The following FBXL4 variants were observed in gnomAD, a reference collection of about 807,000 sequenced individuals.
FBXL4 encodes the protein F-box/LRR-repeat protein 4.
In FBXL4, 40 loss-of-function variants were observed where a neutral mutation model predicts 58.9. The observed-to-expected ratio is 0.68, with a 90% CI of 0.53 to 0.88. The LOEUF is 0.88. Among genes scored for constraint, FBXL4 ranks in the 40% least tolerant of loss-of-function variants. The probability of loss-of-function intolerance (pLI) is 0.00; values close to 1 mark genes in which losing one functional copy is unlikely to be tolerated. For synonymous variants in FBXL4, 263 were observed against 265.5 expected (o/e 0.99, Z 0.09); for missense variants, 676 against 734.4 (o/e 0.92, Z 0.92).
chr6:98,901,279 G>A (rs142074168), intron 6 of FBXL4, among the ~76,000 whole-genome samples: 94 of 152,260 alleles, frequency 6.2e-4, no homozygotes, highest in African/African-American at 2.2e-3. Context: ...AGCAAAGCAG[G>A]TATCTGGAGG....
rs570051379 is a variant in FBXL4, at chr6:98,903,709, A to T, written c.1103+1717T>A. On this transcript the variant is annotated intron_variant, in intron 6 of 9. Coordinates refer to ENST00000369244, the MANE Select transcript of FBXL4 (RefSeq NM_001278716.2). ...CTGCATAAAGTTTTTAAAATTGATT[A>T]ATATTAGCTTTATATTTTACTCGTT... 6.6e-5 allele frequency among the ~76,000 whole-genome samples: 10 copies of T among 152,260 alleles called. No individual in the cohort carries two copies. The South Asian group carries it at 1.7e-3, about 25-fold the overall frequency.
chr6:98,882,819 C>T (rs1230868242), intron 7 of FBXL4, among the ~76,000 whole-genome samples: 1 of 151,950 alleles, frequency 6.6e-6, no homozygotes. Context: ...TTCCATTATG[C>T]AAATATATAA....
Position 98,898,494 on chromosome 6 carries a change from A to T in FBXL4, c.1317+774T>A, listed in dbSNP as rs1350366749. 3 of 939,424 alleles carry T rather than the reference A, an allele frequency of 3.2e-6. No homozygotes were observed. The African/African-American group carries it at 5.3e-5, about 17-fold the overall frequency. 58.2% of individuals were successfully genotyped at this position (939,424 alleles called of 1,614,324 possible). On this transcript the variant is annotated intron_variant, in intron 7 of 9. Coordinates refer to ENST00000369244, the MANE Select transcript of FBXL4 (RefSeq NM_001278716.2). ...GTGGCACGTGCCTGTAATCCCAGATACTCAGGAGGCTGAGGCAGGAGAATC... is the reference window on the plus strand; with the variant it reads ...GTGGCACGTGCCTGTAATCCCAGATTCTCAGGAGGCTGAGGCAGGAGAATC...
chr6:98,899,567 T>C (rs1771530185), intron 6 of FBXL4, 86 bp from the exon 7 acceptor site: 12 of 1,396,262 alleles, frequency 8.6e-6, no homozygotes, highest in Non-Finnish European at 8.7e-6. Flanking sequence ...TCTAAGTAGA[T>C]ACATTTGAAA....
intron 1 of FBXL4, among the ~76,000 whole-genome samples, chr6:98,942,389 T>C (rs1375215017): frequency 1.6e-4 from 24 of 152,012 alleles, no homozygotes; most frequent in Admixed American, 1.6e-3. Context: ...AATCTAACAG[T>C]GAAATGTAAT....
chr6:98,939,224 A>T (rs1773340584), intron 1 of FBXL4, among the ~76,000 whole-genome samples: 1 of 152,106 alleles, frequency 6.6e-6, no homozygotes, highest in African/African-American at 2.4e-5. Flanking sequence ...CTCCTCAATT[A>T]TTTTAATGGT....
At chr6:98,896,091 C>A (rs1258263764) in intron 7 of FBXL4, among the ~76,000 whole-genome samples, 1 of 152,064 alleles carries the variant, frequency 6.6e-6, no homozygotes, top group African/African-American at 2.4e-5. Context: ...TCACGTATGT[C>A]CTTAGAGCAA....
chr6:98,898,316 G>A, intron 7 of FBXL4: 2 of 985,398 alleles, frequency 2.0e-6, no homozygotes, highest in Non-Finnish European at 2.4e-6. Flanking sequence ...CAAACAGTAT[G>A]TACTACAGGG....
At position 98,929,555 on chromosome 6, in the gene FBXL4, G is replaced by T. The variant is rs867185490; in HGVS notation, c.-190-1733C>A. On this transcript the variant is annotated intron_variant, in intron 2 of 9. Coordinates refer to ENST00000369244, the MANE Select transcript of FBXL4 (RefSeq NM_001278716.2). ...CATTGCACTCCAGCCTGGGCAACAA[G>T]AGAAAAACTCCGTCTCAAAAAAAAA... Among the ~76,000 whole-genome samples the T allele has an allele frequency of 1.0e-3, 128 of 125,138 alleles. No homozygotes were observed. In the Middle Eastern group the frequency reaches 0.018, roughly 18 times the overall value. 82.1% of individuals were successfully genotyped at this position (125,138 alleles called of 152,430 possible). A position where few individuals can be genotyped will look rare whatever the true frequency, so the allele number is the denominator to read the frequency against.
At chr6:98,887,024 G>A (rs993798287) in intron 7 of FBXL4, among the ~76,000 whole-genome samples, 1 of 152,136 alleles carries the variant, frequency 6.6e-6, no homozygotes, top group Non-Finnish European at 1.5e-5. Context: ...CAAGGAGGGA[G>A]GACAGCTTGA....
At chr6:98,920,355 A>G (rs1772532139) in intron 4 of FBXL4, among the ~76,000 whole-genome samples, 1 of 152,192 alleles carries the variant, frequency 6.6e-6, no homozygotes, top group Admixed American at 6.5e-5. Flanking sequence ...TCTGACTTCT[A>G]TATCGCATAA....
intron 7 of FBXL4, among the ~76,000 whole-genome samples, chr6:98,886,201 T>C (rs1771034143): frequency 6.6e-6 from 1 of 152,146 alleles, no homozygotes; most frequent in Non-Finnish European, 1.5e-5. Flanking sequence ...TATATAGCAA[T>C]AGATAAATAA....
At chr6:98,916,876 T>C (rs1772377820) in intron 5 of FBXL4, among the ~76,000 whole-genome samples, 2 of 149,300 alleles carry the variant, frequency 1.3e-5, no homozygotes, top group African/African-American at 2.5e-5. Flanking sequence ...TAGCACTACC[T>C]GCCTAGACCA....
At position 98,926,592 on chromosome 6, in the gene FBXL4, G is replaced by C; in HGVS notation, c.397C>G (p.Gln133Glu). 6.2e-7 allele frequency: 1 copy of C among 1,614,168 alleles called. No homozygotes were observed. ...SQDYVELTFE[Q>E]QVYPTAVHVL... Reference sequence around the variant, plus strand: ...TGTACAGCTGTAGGATACACCTGTTGTTCAAAAGTAAGTTCCACATAGTCC... The same window carrying C: ...TGTACAGCTGTAGGATACACCTGTTCTTCAAAAGTAAGTTCCACATAGTCC... The change falls in exon 4 of 10, where the codon CAA becomes GAA. Residue 133 changes from glutamine to glutamate, a missense_variant. Physicochemically the swap from Gln to Glu is conservative, Grantham distance 29. Coordinates refer to ENST00000369244, the MANE Select transcript of FBXL4 (RefSeq NM_001278716.2).
chr6:98,887,572 C>T (rs906648954), intron 7 of FBXL4, among the ~76,000 whole-genome samples: 7 of 152,146 alleles, frequency 4.6e-5, no homozygotes, highest in African/African-American at 1.7e-4. Context: ...TTAGTCTGTA[C>T]ATTAAACTGG....
chr6:98,894,547 C>A (rs1771346686), intron 7 of FBXL4, among the ~76,000 whole-genome samples: 2 of 152,110 alleles, frequency 1.3e-5, no homozygotes, highest in East Asian at 1.9e-4. Context: ...AGAGTAATTT[C>A]TTCTAAAAAG....
In FBXL4 at chr6:98,875,818, C is replaced by G. The variant is rs546324446; in HGVS notation, c.1390-91G>C. The G allele has an allele frequency of 8.1e-4, 1,038 of 1,277,310 alleles. 3 individuals are homozygous for G. Among genetic ancestry groups the G allele is most frequent in the Non-Finnish European group, 1.1e-3 (985 of 899,520 alleles). 79.1% of individuals were successfully genotyped at this position (1,277,310 alleles called of 1,614,324 possible). A position where few individuals can be genotyped will look rare whatever the true frequency, so the allele number is the denominator to read the frequency against. ...TCAGATTCTTAATTATAACCTATTG[C>G]TTTGCTTCCATGTAAACAAATCCAC... On this transcript the variant is annotated intron_variant, in intron 8 of 9. Transcript: ENST00000369244.
chr6:98,932,651 C>T (rs901324609), intron 2 of FBXL4, among the ~76,000 whole-genome samples: 1 of 152,050 alleles, frequency 6.6e-6, no homozygotes, highest in African/African-American at 2.4e-5. Flanking sequence ...AGGAAAAGGA[C>T]TGTTAATAAA....
At chr6:98,912,315 G>A (rs371182358) in intron 5 of FBXL4, among the ~76,000 whole-genome samples, 17 of 152,172 alleles carry the variant, frequency 1.1e-4, no homozygotes, top group African/African-American at 3.9e-4. Flanking sequence ...AGATTCAGGA[G>A]ATACAGAGAA....
Sources: allele counts gnomAD v4.1 joint callset (sites outside exome capture counted in the v4.1 genomes callset), GRCh38; gene constraint gnomAD v4.1.1; transcripts MANE v1.5; gene names NCBI Gene and HGNC (gene_info 2026-07-23, HGNC 2026-07-21).